The following AFG2A variants were observed in gnomAD, a reference collection of about 807,000 sequenced individuals.
AFG2A encodes the protein ATPase family gene 2 protein homolog A.
At chr4:123,302,631 T>G in the AFG2A span, among the ~76,000 whole-genome samples, 2 of 152,030 alleles carry the variant, frequency 1.3e-5, no homozygotes, top group Non-Finnish European at 2.9e-5. Flanking sequence ...TAACCTGGCT[T>G]GTCTGGGTAT....
At chr4:123,216,135 T>C in the AFG2A span, among the ~76,000 whole-genome samples, 4 of 152,160 alleles carry the variant, frequency 2.6e-5, no homozygotes, top group South Asian at 8.3e-4. Context: ...AAAAAAAGAA[T>C]ATAGGCAGCA....
chr4:123,007,594 G>GTGTGTGTGT, the AFG2A span, among the ~76,000 whole-genome samples: 8 of 23,722 alleles, frequency 3.4e-4, no homozygotes, highest in African/African-American at 3.0e-3. Flanking sequence ...GTGTGTGTGT[G>GTGTGTGTGT]TGTGTGTGTG....
the AFG2A span, among the ~76,000 whole-genome samples, chr4:123,230,442 A>G: frequency 6.6e-6 from 1 of 151,938 alleles, no homozygotes; most frequent in East Asian, 1.9e-4. Flanking sequence ...TCATAATTTC[A>G]GGCTCCACTT....
At chr4:123,221,690 C>T in the AFG2A span, among the ~76,000 whole-genome samples, 2 of 151,914 alleles carry the variant, frequency 1.3e-5, no homozygotes, top group South Asian at 4.2e-4. Flanking sequence ...TTTGGGAGAC[C>T]GAGGTGAGCA....
At chr4:122,942,326 A>G in the AFG2A span, among the ~76,000 whole-genome samples, 7 of 150,348 alleles carry the variant, frequency 4.7e-5, no homozygotes, top group Admixed American at 4.0e-4. Flanking sequence ...TTATTGGTCT[A>G]TTCAGAGATT....
chr4:123,086,033 G>A, the AFG2A span, among the ~76,000 whole-genome samples: 6 of 151,844 alleles, frequency 4.0e-5, no homozygotes, highest in Admixed American at 6.6e-5. Flanking sequence ...TCACTTGTCC[G>A]TAAACTATAG....
the AFG2A span, among the ~76,000 whole-genome samples, chr4:123,241,188 A>G: frequency 6.6e-6 from 1 of 152,192 alleles, no homozygotes; most frequent in Non-Finnish European, 1.5e-5. Flanking sequence ...TTCACAGCCA[A>G]ATTCTACCAT....
the AFG2A span, among the ~76,000 whole-genome samples, chr4:123,312,236 AT>A: frequency 6.6e-6 from 1 of 152,066 alleles, no homozygotes; most frequent in African/African-American, 2.4e-5. Flanking sequence ...GTTCCCAACC[AT>A]TATGTGCCAG....
At chr4:123,222,618 A>T in the AFG2A span, among the ~76,000 whole-genome samples, 1 of 152,188 alleles carries the variant, frequency 6.6e-6, no homozygotes, top group African/African-American at 2.4e-5. Context: ...GTGTAATGTC[A>T]TACAGTAGAT....
chr4:123,042,642 C>T, the AFG2A span, among the ~76,000 whole-genome samples: 1 of 152,034 alleles, frequency 6.6e-6, no homozygotes, highest in East Asian at 1.9e-4. Flanking sequence ...CTCCTCTTTT[C>T]TTTTGCATTC....
the AFG2A span, among the ~76,000 whole-genome samples, chr4:123,077,142 G>A: frequency 1.8e-4 from 28 of 151,536 alleles, no homozygotes; most frequent in African/African-American, 6.3e-4. Flanking sequence ...CCGCCTCCTG[G>A]GTTCACACCA....
At chr4:123,241,647 T>C in the AFG2A span, among the ~76,000 whole-genome samples, 1 of 152,162 alleles carries the variant, frequency 6.6e-6, no homozygotes, top group African/African-American at 2.4e-5. Context: ...TAATAAGAGC[T>C]ATTTATGACA....
the AFG2A span, among the ~76,000 whole-genome samples, chr4:123,271,551 C>G: frequency 6.6e-6 from 1 of 152,170 alleles, no homozygotes; most frequent in Non-Finnish European, 1.5e-5. Context: ...TAAGGGAAAG[C>G]CCCATTGCTG....
the AFG2A span, among the ~76,000 whole-genome samples, chr4:122,958,803 A>G: frequency 1.3e-5 from 2 of 152,186 alleles, no homozygotes; most frequent in African/African-American, 4.8e-5. Flanking sequence ...CTGGGAAACT[A>G]CACATTCACT....
At chr4:122,969,826 T>G in the AFG2A span, among the ~76,000 whole-genome samples, 1 of 152,220 alleles carries the variant, frequency 6.6e-6, no homozygotes, top group Admixed American at 6.5e-5. Flanking sequence ...GGTACTTTGG[T>G]TTTTTGAATG....
At chr4:122,970,188 A>G in the AFG2A span, among the ~76,000 whole-genome samples, 2 of 152,208 alleles carry the variant, frequency 1.3e-5, no homozygotes, top group Admixed American at 6.5e-5. Flanking sequence ...CCACACAGGT[A>G]TAACATTTTT....
the AFG2A span, among the ~76,000 whole-genome samples, chr4:123,137,106 C>G: frequency 6.6e-6 from 1 of 152,132 alleles, no homozygotes; most frequent in Non-Finnish European, 1.5e-5. Flanking sequence ...TCTATGAGTG[C>G]GCATCTAACG....
chr4:123,078,784 G>A, the AFG2A span, among the ~76,000 whole-genome samples: 1 of 151,994 alleles, frequency 6.6e-6, no homozygotes, highest in Non-Finnish European at 1.5e-5. Context: ...AACACTAAAT[G>A]GTTACCCATG....
the AFG2A span, among the ~76,000 whole-genome samples, chr4:122,985,084 A>C: frequency 6.7e-6 from 1 of 150,002 alleles, no homozygotes; most frequent in Admixed American, 6.6e-5. Context: ...CTGTGAATCC[A>C]TCTAGTCTTG....
Sources: gnomAD v4.1 joint callset for allele counts (sites outside exome capture counted in the v4.1 genomes callset) on GRCh38, gnomAD v4.1.1 for gene constraint, MANE v1.5 for transcripts, NCBI Gene and HGNC (gene_info 2026-07-23, HGNC 2026-07-21) for gene names.